Variants in CLEC16A observed in about 807,000 individuals in gnomAD.
The protein encoded by CLEC16A is C-type lectin domain containing 16A.
In CLEC16A, 51 loss-of-function variants were observed where a neutral mutation model predicts 109.5. The ratio of observed to expected loss-of-function variants is 0.47; its 90% CI spans 0.37 to 0.59. CLEC16A has a LOEUF of 0.59. Ranked by LOEUF, CLEC16A falls within the 20% of genes least tolerant of loss-of-function variation. The pLI, the probability that CLEC16A is intolerant of heterozygous loss-of-function variation, is 0.00. For synonymous variants in CLEC16A, 673 were observed against 564.2 expected, an observed-to-expected ratio of 1.19 and a Z score of -2.73; for missense variants, 1,339 against 1,394.0, an observed-to-expected ratio of 0.96 and a Z score of 0.63.
intron 3 of CLEC16A, among the ~76,000 whole-genome samples, chr16:10,966,767 G>T (rs13338762): frequency 4.1e-4 from 63 of 152,148 alleles, no homozygotes; most frequent in Non-Finnish European, 8.1e-4. Context: ...TCACTATCAC[G>T]AGAACAGGAT....
intron 10 of CLEC16A, among the ~76,000 whole-genome samples, chr16:10,986,544 AC>A (rs1297744950): frequency 6.6e-6 from 1 of 151,546 alleles, no homozygotes; most frequent in Non-Finnish European, 1.5e-5. Context: ...CTGGACAACA[AC>A]TCTCCATCCC....
chr16:11,115,875 A>T (rs1421624962), intron 19 of CLEC16A, among the ~76,000 whole-genome samples: 1 of 151,340 alleles, frequency 6.6e-6, no homozygotes, highest in Non-Finnish European at 1.5e-5. Flanking sequence ...TAATATATTA[A>T]AACATATATA....
chr16:10,998,281 G>T, intron 10 of CLEC16A, among the ~76,000 whole-genome samples: 1 of 152,174 alleles, frequency 6.6e-6, no homozygotes, highest in Admixed American at 6.5e-5. Flanking sequence ...CTGACTGTTA[G>T]CTGGCCCTCA....
chr16:11,100,897 G>A (rs1049563795), intron 19 of CLEC16A, among the ~76,000 whole-genome samples: 6 of 152,080 alleles, frequency 3.9e-5, no homozygotes, highest in African/African-American at 1.2e-4. Flanking sequence ...CCATTGTGCT[G>A]GTACAGTTTA....
chr16:10,957,800 G>A lies in CLEC16A; in HGVS notation c.99G>A (p.Leu33=). The change falls in exon 2 of 24, where the codon TTG becomes TTA. Residue 33 remains leucine, a synonymous_variant. Coordinates refer to ENST00000409790, the MANE Select transcript of CLEC16A (RefSeq NM_015226.3). ...CTCTCAGGTATCTGTACCACGTTTTGACCAAAAACACCACAGTCACAGAAC... is the reference window on the plus strand; with the variant it reads ...CTCTCAGGTATCTGTACCACGTTTTAACCAAAAACACCACAGTCACAGAAC... ...LDHLKYLYHV[L]TKNTTVTEQN... is the part of the protein sequence containing the mutation. The A allele has an allele frequency of 6.2e-7, 1 of 1,613,742 alleles. No homozygotes were observed.
At chr16:11,177,493 G>A (rs145042289) in intron 23 of CLEC16A, among the ~76,000 whole-genome samples, 182 of 152,096 alleles carry the variant, frequency 1.2e-3, no homozygotes, top group African/African-American at 3.9e-3. Flanking sequence ...ACAGCTACTC[G>A]GGAGGCTGAG....
At chr16:11,027,970 G>T (rs537033893) in intron 13 of CLEC16A, among the ~76,000 whole-genome samples, 8 of 152,320 alleles carry the variant, frequency 5.3e-5, no homozygotes, top group Admixed American at 5.2e-4. Context: ...GGAGGCTGAG[G>T]TGGGCAGATC....
chr16:11,002,977 A>C, intron 10 of CLEC16A, 97 bp from the exon 11 acceptor site: 1 of 884,176 alleles, frequency 1.1e-6, no homozygotes, highest in Non-Finnish European at 1.7e-6. Flanking sequence ...TCTTTTGGAG[A>C]TGAGTTTCTT....
At chr16:10,990,905 C>G (rs1001230183) in intron 10 of CLEC16A, among the ~76,000 whole-genome samples, 2 of 152,300 alleles carry the variant, frequency 1.3e-5, no homozygotes, top group African/African-American at 4.8e-5. Context: ...GGGCCAGCCT[C>G]TTCGGATATT....
chr16:11,132,306 A>C (rs2053269325), intron 22 of CLEC16A, among the ~76,000 whole-genome samples: 1 of 141,362 alleles, frequency 7.1e-6, no homozygotes, highest in Admixed American at 8.0e-5. Flanking sequence ...AGATTTACGT[A>C]GTCTGGGTAT....
chr16:11,083,171 G>A (rs1398504865), intron 19 of CLEC16A, among the ~76,000 whole-genome samples: 3 of 151,332 alleles, frequency 2.0e-5, no homozygotes, highest in Non-Finnish European at 4.4e-5. Context: ...TTGTTTGTTT[G>A]TTGTTGTTTG....
At chr16:10,949,013 A>G (rs946420369) in intron 1 of CLEC16A, among the ~76,000 whole-genome samples, 18 of 152,196 alleles carry the variant, frequency 1.2e-4, no homozygotes, top group African/African-American at 4.3e-4. Context: ...CTGATTGGCC[A>G]TTCCTCACTC....
At chr16:11,175,748 G>A (rs1026391342) in intron 23 of CLEC16A, among the ~76,000 whole-genome samples, 3 of 152,160 alleles carry the variant, frequency 2.0e-5, no homozygotes, top group African/African-American at 7.2e-5. Flanking sequence ...AGTTCTGTGC[G>A]CATGCTATTG....
chr16:11,144,474 G>C (rs930953954), intron 22 of CLEC16A, among the ~76,000 whole-genome samples: 2 of 151,980 alleles, frequency 1.3e-5, no homozygotes, highest in Non-Finnish European at 2.9e-5. Flanking sequence ...CAATGGCAAA[G>C]AAAAGCCACC....
chr16:10,968,242 G>A (rs1163112482), intron 3 of CLEC16A, among the ~76,000 whole-genome samples: 1 of 152,246 alleles, frequency 6.6e-6, no homozygotes, highest in Non-Finnish European at 1.5e-5. Flanking sequence ...CAGGCCATAG[G>A]CTGCAGCTGG....
chr16:11,109,574 C>A (rs1056241151), intron 19 of CLEC16A, among the ~76,000 whole-genome samples: 1 of 152,184 alleles, frequency 6.6e-6, no homozygotes, highest in African/African-American at 2.4e-5. Flanking sequence ...ACCCACAGGC[C>A]ACTGCAGTTC....
intron 19 of CLEC16A, among the ~76,000 whole-genome samples, chr16:11,084,560 C>A (rs534299055): frequency 9.9e-5 from 15 of 152,284 alleles, no homozygotes; most frequent in African/African-American, 3.6e-4. Flanking sequence ...GCCTGTAAAC[C>A]TCCTGGTCTG....
Position 11,123,845 on chromosome 16 carries a change from C to T in CLEC16A, c.2372C>T (p.Ala791Val), listed in dbSNP as rs760764581. Residue 791 changes from alanine (A) to valine (V), a missense_variant, in exon 21 of 24, where the codon GCC becomes GTC. Ala to Val is a moderately conservative substitution (Grantham distance 64). Around this residue, in one of 3 missense-constraint regions of CLEC16A, gnomAD observed 1,061 missense variants for 1,006.8 expected, o/e 1.05. Coordinates refer to ENST00000409790, the MANE Select transcript of CLEC16A (RefSeq NM_015226.3). ...PHSKPFPILQATFIFSDHIRC... is the reference protein window; with the variant it reads ...PHSKPFPILQVTFIFSDHIRC... The stretch of plus-strand genomic sequence containing the variant: ...TCCAAGCCCTTCCCCATCCTCCAGG[C>T]CACCTTCATCTTCTCAGACCACATC... The T allele has an allele frequency of 6.2e-7, 1 of 1,613,944 alleles. No homozygotes were observed. Among genetic ancestry groups the T allele is most frequent in the Non-Finnish European group, 8.5e-7 (1 of 1,179,910 alleles).
chr16:11,078,286 G>T (rs557082995), intron 19 of CLEC16A, among the ~76,000 whole-genome samples: 1 of 152,236 alleles, frequency 6.6e-6, no homozygotes, highest in South Asian at 2.1e-4. Context: ...TGGCTCCGGG[G>T]TGGGGCCCTG....
Sources: allele counts gnomAD v4.1 joint callset (sites outside exome capture counted in the v4.1 genomes callset), GRCh38; gene constraint gnomAD v4.1.1; regional missense constraint gnomAD v4.1.1; transcripts MANE v1.5; gene names NCBI Gene and HGNC (gene_info 2026-07-23, HGNC 2026-07-21).